The following ENTREP2 variants were observed in gnomAD, a reference collection of about 807,000 sequenced individuals.
ENTREP2 encodes the protein endosomal transmembrane epsin interactor 2.
the ENTREP2 span, among the ~76,000 whole-genome samples, chr15:29,181,751 C>T: frequency 6.6e-6 from 1 of 152,134 alleles, no homozygotes; most frequent in Non-Finnish European, 1.5e-5. Context: ...ATACTTATCT[C>T]AATAGATGCA....
At chr15:29,296,059 C>T in the ENTREP2 span, among the ~76,000 whole-genome samples, 1 of 152,202 alleles carries the variant, frequency 6.6e-6, no homozygotes, top group African/African-American at 2.4e-5. Context: ...AGGAATTCTG[C>T]CAGCAGAAGG....
At chr15:29,652,134 G>C in the ENTREP2 span, among the ~76,000 whole-genome samples, 6 of 152,270 alleles carry the variant, frequency 3.9e-5, no homozygotes, top group South Asian at 2.1e-4. Context: ...GCTGCAGAGA[G>C]AGCCTTCCCA....
chr15:29,233,977 T>A, the ENTREP2 span: 3 of 1,508,146 alleles, frequency 2.0e-6, no homozygotes, highest in Admixed American at 1.7e-5. Flanking sequence ...CAGGACTTGA[T>A]GGGACCATAG....
At chr15:29,430,503 A>G in the ENTREP2 span, among the ~76,000 whole-genome samples, 21,916 of 152,046 alleles carry the variant, frequency 0.14, 1,903 homozygotes, top group East Asian at 0.32. Flanking sequence ...TTGAGAAGCC[A>G]GGCATGGTGG....
chr15:29,552,048 C>T, the ENTREP2 span, among the ~76,000 whole-genome samples: 1 of 152,112 alleles, frequency 6.6e-6, no homozygotes, highest in Admixed American at 6.6e-5. Context: ...GTGACAATGT[C>T]AAAGGAACAG....
the ENTREP2 span, among the ~76,000 whole-genome samples, chr15:29,276,660 G>T: frequency 3.3e-5 from 5 of 152,196 alleles, no homozygotes; most frequent in African/African-American, 1.2e-4. Flanking sequence ...TAAGAGATGG[G>T]AAACAATCTT....
At chr15:29,331,421 C>T in the ENTREP2 span, among the ~76,000 whole-genome samples, 2 of 152,180 alleles carry the variant, frequency 1.3e-5, no homozygotes, top group East Asian at 1.9e-4. Context: ...GTCAGAACAC[C>T]TGTCCGGGGC....
the ENTREP2 span, among the ~76,000 whole-genome samples, chr15:29,497,207 C>T: frequency 2.6e-5 from 4 of 152,110 alleles, no homozygotes; most frequent in South Asian, 2.1e-4. Flanking sequence ...TGGACTTCCC[C>T]GTCTCCAAAA....
At chr15:29,235,398 A>G in the ENTREP2 span, among the ~76,000 whole-genome samples, 1 of 152,148 alleles carries the variant, frequency 6.6e-6, no homozygotes, top group Non-Finnish European at 1.5e-5. Context: ...TGTCCTTAAC[A>G]TGAAAGTCCT....
At chr15:29,436,966 A>G in the ENTREP2 span, among the ~76,000 whole-genome samples, 2,988 of 152,332 alleles carry the variant, frequency 0.02, 94 homozygotes, top group African/African-American at 0.069. Flanking sequence ...AGAACTCAGA[A>G]GGCCCAAAAA....
At chr15:29,477,737 C>T in the ENTREP2 span, among the ~76,000 whole-genome samples, 1 of 151,988 alleles carries the variant, frequency 6.6e-6, no homozygotes, top group East Asian at 1.9e-4. Context: ...CCATGCCCAC[C>T]CCATACACAG....
At chr15:29,411,112 G>A in the ENTREP2 span, among the ~76,000 whole-genome samples, 1 of 152,116 alleles carries the variant, frequency 6.6e-6, no homozygotes, top group South Asian at 2.1e-4. Context: ...CCATTCTTCT[G>A]CTGATGAACA....
chr15:29,657,019 G>T, the ENTREP2 span, among the ~76,000 whole-genome samples: 1 of 152,138 alleles, frequency 6.6e-6, no homozygotes, highest in African/African-American at 2.4e-5. Flanking sequence ...CTGCCTTCAA[G>T]AACGAAGCCG....
the ENTREP2 span, among the ~76,000 whole-genome samples, chr15:29,630,536 T>A: frequency 6.6e-6 from 1 of 152,234 alleles, no homozygotes; most frequent in East Asian, 1.9e-4. Flanking sequence ...GTTGGGGAAT[T>A]TTCAGCCATT....
chr15:29,156,789 C>T, the ENTREP2 span, among the ~76,000 whole-genome samples: 15 of 152,128 alleles, frequency 9.9e-5, no homozygotes, highest in East Asian at 3.9e-4. Flanking sequence ...GATGCCTGCG[C>T]GTGGGCCAGG....
At chr15:29,462,545 G>A in the ENTREP2 span, among the ~76,000 whole-genome samples, 4 of 152,238 alleles carry the variant, frequency 2.6e-5, no homozygotes, top group East Asian at 7.7e-4. Flanking sequence ...AGGAGGTGGA[G>A]GTTGCAGTGA....
the ENTREP2 span, among the ~76,000 whole-genome samples, chr15:29,604,221 C>A: frequency 6.6e-6 from 1 of 152,120 alleles, no homozygotes; most frequent in South Asian, 2.1e-4. Flanking sequence ...CAAGGCAATG[C>A]AAATTAAAGT....
the ENTREP2 span, among the ~76,000 whole-genome samples, chr15:29,303,847 A>G: frequency 3.3e-5 from 5 of 152,096 alleles, no homozygotes; most frequent in South Asian, 1.0e-3. Context: ...ACGGCTGCAT[A>G]GTATTCCATG....
chr15:29,392,342 G>C, the ENTREP2 span, among the ~76,000 whole-genome samples: 2 of 151,500 alleles, frequency 1.3e-5, no homozygotes, highest in African/African-American at 2.4e-5. Context: ...CATGACAAAA[G>C]TTATGACCCC....
Sources: allele counts gnomAD v4.1 joint callset (sites outside exome capture counted in the v4.1 genomes callset), GRCh38; gene constraint gnomAD v4.1.1; transcripts MANE v1.5; gene names NCBI Gene and HGNC (gene_info 2026-07-23, HGNC 2026-07-21).